The following DAAM2 variants were observed in gnomAD, a reference collection of about 807,000 sequenced individuals.
DAAM2 encodes the protein dishevelled associated activator of morphogenesis 2.
In DAAM2, 39 loss-of-function variants were observed where a neutral mutation model predicts 120.7. That is an observed-to-expected ratio of 0.32 (90% confidence interval 0.25 to 0.42). DAAM2 has a LOEUF of 0.42. DAAM2 is among the 10% of genes least tolerant of loss of function. The pLI is 1.00. For synonymous variants in DAAM2, 488 were observed against 524.9 expected, an observed-to-expected ratio of 0.93 and a Z score of 0.96; for missense variants, 1,283 against 1,401.7, an observed-to-expected ratio of 0.92 and a Z score of 1.35.
intron 11 of DAAM2, among the ~76,000 whole-genome samples, chr6:39,875,993 A>G (rs1764853797): frequency 6.6e-6 from 1 of 152,240 alleles, no homozygotes; most frequent in Admixed American, 6.5e-5. Context: ...TAAGTGACAG[A>G]GACTATGCAT....
At chr6:39,842,483 A>G (rs920989401) in intron 1 of DAAM2, among the ~76,000 whole-genome samples, 3 of 151,960 alleles carry the variant, frequency 2.0e-5, no homozygotes, top group Admixed American at 1.3e-4. Flanking sequence ...AATATAAAAA[A>G]TTTGCCGGGC....
Position 39,886,208 on chromosome 6 carries a change from G to A in DAAM2, c.1954-1278G>A, listed in dbSNP as rs926301141. On this transcript the variant is annotated intron_variant, in intron 15 of 24. Transcript: ENST00000274867. The stretch of plus-strand genomic sequence containing the variant: ...GGAGGAGCTGCCTGATCTCCGCTTC[G>A]TTTGGCTTCTCCGTGAGTGCATGTC... 29 of 390,238 alleles carry A rather than the reference G, an allele frequency of 7.4e-5. 1 individual carries two copies. The highest frequency in any genetic ancestry group is 3.6e-4 in the Admixed American group (8 of 22,414). The allele number at this position is 390,238 out of a possible 1,614,324, so 24.2% of individuals were successfully genotyped here. A position where few individuals can be genotyped will look rare whatever the true frequency, so the allele number is the denominator to read the frequency against.
intron 23 of DAAM2, among the ~76,000 whole-genome samples, chr6:39,900,486 A>G (rs1766412419): frequency 6.6e-6 from 1 of 152,196 alleles, no homozygotes; most frequent in South Asian, 2.1e-4. Context: ...CACTTGACAG[A>G]TATGAACGCT....
chr6:39,848,938 T>C (rs2149269383), intron 1 of DAAM2: 1 of 152,298 alleles, frequency 6.6e-6, no homozygotes, highest in Middle Eastern at 3.4e-3. Context: ...TCGAACATGG[T>C]AGGTGCTCAA....
At chr6:39,871,941 CA>C (rs558908448) in intron 9 of DAAM2, among the ~76,000 whole-genome samples, 284 of 152,290 alleles carry the variant, frequency 1.9e-3, no homozygotes, top group Non-Finnish European at 3.1e-3. Context: ...TTCTGGAATC[CA>C]AAAGCTGGAG....
In DAAM2 at chr6:39,904,186, T is replaced by TC; in HGVS notation, c.*2150dup. On this transcript the variant is annotated 3_prime_UTR_variant, in exon 25 of 25. Coordinates refer to ENST00000274867, the MANE Select transcript of DAAM2 (RefSeq NM_001201427.2). ...TGGAAGCTGTTCAAGATACATTTGATCTTCAGAAAAGCAGAATTTGGTTCA... is the reference window on the plus strand; with the variant it reads ...TGGAAGCTGTTCAAGATACATTTGATCCTTCAGAAAAGCAGAATTTGGTTCA... The TC allele has an allele frequency of 2.2e-6, 1 of 456,710 alleles. No individual in the cohort carries two copies. The highest frequency in any genetic ancestry group is 4.4e-6 in the Non-Finnish European group (1 of 226,966). The allele number at this position is 456,710 out of a possible 1,614,324, so 28.3% of individuals were successfully genotyped here.
intron 14 of DAAM2, among the ~76,000 whole-genome samples, chr6:39,883,146 C>T (rs966803752): frequency 1.3e-5 from 2 of 149,790 alleles, no homozygotes; most frequent in African/African-American, 4.9e-5. Flanking sequence ...GCTGGCTGTG[C>T]TCTGGACCAT....
chr6:39,814,517 T>C (rs1762254577), intron 1 of DAAM2, among the ~76,000 whole-genome samples: 1 of 152,206 alleles, frequency 6.6e-6, no homozygotes, highest in South Asian at 2.1e-4. Flanking sequence ...GTTTTACAGA[T>C]TTGGAAACTA....
At chr6:39,886,655 G>C in intron 15 of DAAM2, 1 of 391,246 alleles carries the variant, frequency 2.6e-6, no homozygotes, top group Non-Finnish European at 4.5e-6. Context: ...CAGCAGTGGA[G>C]GTCAATGTCT....
At chr6:39,857,241 G>A (rs1018961341) in intron 2 of DAAM2, among the ~76,000 whole-genome samples, 1 of 152,224 alleles carries the variant, frequency 6.6e-6, no homozygotes, top group African/African-American at 2.4e-5. Context: ...GCCTGGTAAA[G>A]AGCCATAAGT....
chr6:39,902,116 T>C lies in DAAM2; in HGVS notation c.*79T>C. 7.7e-7 allele frequency: 1 copy of C among 1,292,702 alleles called. No individual in the cohort carries two copies. Among genetic ancestry groups the C allele is most frequent in the Non-Finnish European group, 1.1e-6 (1 of 937,946 alleles). 80.1% of individuals were successfully genotyped at this position (1,292,702 alleles called of 1,614,324 possible). On this transcript the variant is annotated 3_prime_UTR_variant, in exon 25 of 25. Coordinates refer to ENST00000274867, the MANE Select transcript of DAAM2 (RefSeq NM_001201427.2). ...GCTGAGTGGAGGAGGTGGTGATATTTAAACCATTTGGTGCTTGGTTTAGAG... is the reference window on the plus strand; with the variant it reads ...GCTGAGTGGAGGAGGTGGTGATATTCAAACCATTTGGTGCTTGGTTTAGAG...
At chr6:39,819,961 A>G (rs1762434226) in intron 1 of DAAM2, 1 of 152,264 alleles carries the variant, frequency 6.6e-6, no homozygotes, top group Non-Finnish European at 1.5e-5. Flanking sequence ...TTGAGAGGAC[A>G]CACACATTCA....
chr6:39,869,480 G>C (rs1582704955), intron 7 of DAAM2, among the ~76,000 whole-genome samples: 1 of 152,092 alleles, frequency 6.6e-6, no homozygotes, highest in South Asian at 2.1e-4. Flanking sequence ...CCAGCTACTT[G>C]GGAGGCTGAG....
intron 1 of DAAM2, 128 bp from the exon 2 acceptor site, chr6:39,856,119 T>TGGGG: frequency 5.9e-6 from 3 of 509,080 alleles, no homozygotes; most frequent in Non-Finnish European, 8.5e-6. Flanking sequence ...GCGGGGTGGG[T>TGGGG]GGGGCTTTGC....
intron 5 of DAAM2, among the ~76,000 whole-genome samples, chr6:39,866,714 C>T (rs1438069943): frequency 6.6e-6 from 1 of 152,124 alleles, no homozygotes; most frequent in Non-Finnish European, 1.5e-5. Context: ...GAGCTAGCTG[C>T]GAGTCTTGAT....
At chr6:39,884,147 C>G (rs983989257) in intron 15 of DAAM2, 78 bp downstream of exon 15, 4 of 761,852 alleles carry the variant, frequency 5.3e-6, no homozygotes, top group Non-Finnish European at 9.0e-6. Context: ...TTTCTGCCTG[C>G]CTGCCTTCCT....
At chr6:39,842,287 C>G (rs1763371795) in intron 1 of DAAM2, among the ~76,000 whole-genome samples, 1 of 152,164 alleles carries the variant, frequency 6.6e-6, no homozygotes, top group Non-Finnish European at 1.5e-5. Context: ...GCGCCAGGAG[C>G]TATTCTCATG....
At chr6:39,798,282 A>C (rs1761758789) in intron 1 of DAAM2, among the ~76,000 whole-genome samples, 1 of 152,196 alleles carries the variant, frequency 6.6e-6, no homozygotes, top group Non-Finnish European at 1.5e-5. Context: ...CAGTTTTCGC[A>C]TCTGAAAAGT....
At chr6:39,819,642 G>C (rs1762421596) in intron 1 of DAAM2, 1 of 152,186 alleles carries the variant, frequency 6.6e-6, no homozygotes, top group Non-Finnish European at 1.5e-5. Flanking sequence ...ATAGACTTTG[G>C]ATGATGTCTT....
Sources: gnomAD v4.1 joint callset for allele counts (sites outside exome capture counted in the v4.1 genomes callset) on GRCh38, gnomAD v4.1.1 for gene constraint, MANE v1.5 for transcripts, NCBI Gene and HGNC (gene_info 2026-07-23, HGNC 2026-07-21) for gene names.